ENTREP2: variants seen among roughly 807,000 people sequenced by gnomAD.
The protein encoded by ENTREP2 is protein ENTREP2.
At chr15:29,296,637 G>A in the ENTREP2 span, among the ~76,000 whole-genome samples, 1 of 152,124 alleles carries the variant, frequency 6.6e-6, no homozygotes, top group Non-Finnish European at 1.5e-5. Flanking sequence ...AAAGATGTCA[G>A]TTCTACTAAA....
chr15:29,219,614 A>AATATATAAATATATATAT, the ENTREP2 span, among the ~76,000 whole-genome samples: 5 of 38,402 alleles, frequency 1.3e-4, no homozygotes, highest in Non-Finnish European at 2.1e-4. Flanking sequence ...GTGGTGCATA[A>AATATATAAATATATATAT]ATATATATAT....
the ENTREP2 span, among the ~76,000 whole-genome samples, chr15:29,413,470 T>G: frequency 6.6e-6 from 1 of 152,126 alleles, no homozygotes; most frequent in African/African-American, 2.4e-5. Flanking sequence ...TTATATGTAA[T>G]GAGCCTCTCT....
the ENTREP2 span, among the ~76,000 whole-genome samples, chr15:29,372,239 AC>A: frequency 6.6e-6 from 1 of 152,124 alleles, no homozygotes; most frequent in South Asian, 2.1e-4. Flanking sequence ...TCCTCAGCCT[AC>A]TCAACTGATG....
the ENTREP2 span, among the ~76,000 whole-genome samples, chr15:29,580,343 G>C: frequency 2.0e-5 from 3 of 152,096 alleles, no homozygotes; most frequent in Admixed American, 6.6e-5. Context: ...CCTAATGAAG[G>C]TAATAATAAT....
the ENTREP2 span, among the ~76,000 whole-genome samples, chr15:29,645,546 ACCTT>A: frequency 6.8e-6 from 1 of 148,024 alleles, no homozygotes; most frequent in African/African-American, 2.5e-5. Flanking sequence ...TCATGTGATT[ACCTT>A]ATTTATTTAT....
the ENTREP2 span, among the ~76,000 whole-genome samples, chr15:29,183,405 G>A: frequency 6.6e-6 from 1 of 152,202 alleles, no homozygotes; most frequent in East Asian, 1.9e-4. Context: ...TCCTGCAGAT[G>A]CACTTCCCCT....
the ENTREP2 span, among the ~76,000 whole-genome samples, chr15:29,492,412 T>G: frequency 6.6e-6 from 1 of 152,196 alleles, no homozygotes; most frequent in African/African-American, 2.4e-5. Flanking sequence ...GATTACGATA[T>G]CATGTGATTT....
At chr15:29,424,220 C>T in the ENTREP2 span, among the ~76,000 whole-genome samples, 1 of 152,322 alleles carries the variant, frequency 6.6e-6, no homozygotes, top group East Asian at 1.9e-4. Context: ...AGCAAAAATA[C>T]AAAACCTCTG....
the ENTREP2 span, among the ~76,000 whole-genome samples, chr15:29,441,758 C>T: frequency 9.5e-3 from 1,439 of 152,058 alleles, 28 homozygotes; most frequent in African/African-American, 0.032. Flanking sequence ...TACACCATCA[C>T]CAGTTTTTTC....
the ENTREP2 span, among the ~76,000 whole-genome samples, chr15:29,509,856 G>T: frequency 2.0e-5 from 3 of 152,276 alleles, no homozygotes; most frequent in South Asian, 6.2e-4. Flanking sequence ...AAGACTTCAT[G>T]ACTAAAACAC....
At chr15:29,299,332 T>C in the ENTREP2 span, among the ~76,000 whole-genome samples, 1 of 152,198 alleles carries the variant, frequency 6.6e-6, no homozygotes, top group Non-Finnish European at 1.5e-5. Flanking sequence ...ATGGCTTGTG[T>C]CTGCTCCATG....
the ENTREP2 span, among the ~76,000 whole-genome samples, chr15:29,180,094 A>T: frequency 6.6e-6 from 1 of 152,176 alleles, no homozygotes; most frequent in East Asian, 1.9e-4. Flanking sequence ...ACAGGAGGAC[A>T]CATGGACAAA....
the ENTREP2 span, among the ~76,000 whole-genome samples, chr15:29,392,350 C>T: frequency 8.8e-6 from 1 of 113,658 alleles, no homozygotes; most frequent in Non-Finnish European, 1.7e-5. Context: ...AAGTTATGAC[C>T]CCCCCCACCC....
the ENTREP2 span, among the ~76,000 whole-genome samples, chr15:29,542,499 T>C: frequency 6.6e-6 from 1 of 151,102 alleles, no homozygotes; most frequent in South Asian, 2.1e-4. Flanking sequence ...AGAGACGGGG[T>C]TTCACTGTGT....
the ENTREP2 span, among the ~76,000 whole-genome samples, chr15:29,557,916 C>T: frequency 6.6e-6 from 1 of 152,194 alleles, no homozygotes; most frequent in African/African-American, 2.4e-5. Context: ...CTATCAGATA[C>T]CTGGATAACT....
At chr15:29,343,031 G>GGGGT in the ENTREP2 span, among the ~76,000 whole-genome samples, 2 of 148,608 alleles carry the variant, frequency 1.3e-5, no homozygotes, top group Admixed American at 6.7e-5. Context: ...AAGGAATGGG[G>GGGGT]GGGGTGGTTC....
chr15:29,342,850 T>C, the ENTREP2 span, among the ~76,000 whole-genome samples: 7 of 152,360 alleles, frequency 4.6e-5, no homozygotes, highest in East Asian at 5.8e-4. Flanking sequence ...GCAGGAACTA[T>C]TCACGATCTG....
the ENTREP2 span, among the ~76,000 whole-genome samples, chr15:29,671,194 G>C: frequency 6.6e-6 from 1 of 152,218 alleles, no homozygotes; most frequent in East Asian, 1.9e-4. Context: ...GGCACACCCC[G>C]ACTCCATGCG....
the ENTREP2 span, among the ~76,000 whole-genome samples, chr15:29,405,803 C>G: frequency 6.6e-6 from 1 of 152,358 alleles, no homozygotes; most frequent in African/African-American, 2.4e-5. Context: ...TTGGCCAGCG[C>G]CCACCTCCGG....
Sources: gnomAD v4.1 joint callset for allele counts (sites outside exome capture counted in the v4.1 genomes callset) on GRCh38, gnomAD v4.1.1 for gene constraint, MANE v1.5 for transcripts, NCBI Gene and HGNC (gene_info 2026-07-23, HGNC 2026-07-21) for gene names.